PCDHGA6: variants seen among roughly 807,000 people sequenced by gnomAD.
PCDHGA6 encodes protocadherin gamma-A6.
PCDHGA6 carries 41 observed loss-of-function variants against 60.6 expected under a neutral mutation model. That is an observed-to-expected ratio of 0.68 (90% CI 0.53 to 0.88). PCDHGA6 has a LOEUF of 0.88. Ranked by LOEUF, PCDHGA6 falls within the 40% of genes least tolerant of loss-of-function variation. The pLI is 0.00. For missense variants in PCDHGA6, 1,312 were observed against 1,203.0 expected (o/e 1.09, Z -1.34); for synonymous variants, 594 against 524.4 (o/e 1.13, Z -1.81).
At position 141,491,052 on chromosome 5, in the gene PCDHGA6, G is replaced by A. The variant is rs2099707642; in HGVS notation, c.2425-3755G>A. ...ATGCTGATGCAGGCCACAATGCGTG[G>A]CTCTCCTACTCACTGTTGCCACAGT... On this transcript the variant is annotated intron_variant, in intron 1 of 3. Transcript: ENST00000517434. The surrounding 1 kb of genome is among the most constrained non-coding windows in gnomAD (Gnocchi z 6.9). 3.1e-6 allele frequency: 5 copies of A among 1,614,038 alleles called. No individual in the cohort carries two copies. The highest frequency in any genetic ancestry group is 4.2e-6 in the Non-Finnish European group (5 of 1,180,032).
rs187164796 is a variant in PCDHGA6, at chr5:141,398,527, A to C, written c.2424+22020A>C. On this transcript the variant is annotated intron_variant, in intron 1 of 3. Transcript: ENST00000517434. ...CATTAATGACCACACGCCAAAATTC[A>C]CGCAAAATTCCTTTGAGCTGCAAAT... 1.8e-3 allele frequency: 2,980 copies of C among 1,613,696 alleles called. 47 individuals are homozygous for C. The African/African-American group carries it at 0.033, about 18-fold the overall frequency.
At chr5:141,382,819 G>A in intron 1 of PCDHGA6, 2 of 1,297,966 alleles carry the variant, frequency 1.5e-6, no homozygotes, top group Non-Finnish European at 2.1e-6. Context: ...CCCTTCCTAA[G>A]ACAGAGGGGT....
At chr5:141,382,271 A>T (rs1445188092) in intron 1 of PCDHGA6, among the ~76,000 whole-genome samples, 1 of 152,214 alleles carries the variant, frequency 6.6e-6, no homozygotes, top group East Asian at 1.9e-4. Context: ...TCTAGAACAT[A>T]TGTGTTCAAT....
At chr5:141,394,552 G>C (rs368792885) in intron 1 of PCDHGA6, 1 of 1,614,070 alleles carries the variant, frequency 6.2e-7, no homozygotes, top group Non-Finnish European at 8.5e-7. Flanking sequence ...CTGGCGCCCC[G>C]CTCCGCAGAG....
rs992649031 is a variant in PCDHGA6 at position 141,387,128 on chromosome 5, G to C, written c.2424+10621G>C. On this transcript the variant is annotated intron_variant, in intron 1 of 3. Coordinates refer to ENST00000517434, the MANE Select transcript of PCDHGA6 (RefSeq NM_018919.3). ...ATAATATTCCTGTAATGAAATCACTGAAACTATTGGGAAGGGGGTGTATTT... is the reference window on the plus strand; with the variant it reads ...ATAATATTCCTGTAATGAAATCACTCAAACTATTGGGAAGGGGGTGTATTT... Among the ~76,000 whole-genome samples, 7 of 152,316 alleles carry C rather than the reference G, an allele frequency of 4.6e-5. No homozygotes were observed. The South Asian group carries it at 8.3e-4, about 18-fold the overall frequency.
At chr5:141,507,786 G>A (rs536470814) in intron 3 of PCDHGA6, among the ~76,000 whole-genome samples, 3 of 152,292 alleles carry the variant, frequency 2.0e-5, no homozygotes, top group East Asian at 1.9e-4. Context: ...CCTGACCCTC[G>A]TCTAAGCCTG....
rs1177814811 is a variant in PCDHGA6 at position 141,511,841 on chromosome 5, CTGTTT to C, written c.*675_*679del. The C allele has an allele frequency of 3.2e-5, 5 of 156,826 alleles. No homozygotes were observed. Among genetic ancestry groups the C allele is most frequent in the African/African-American group, 4.8e-5 (2 of 41,458 alleles). The allele number at this position is 156,826 out of a possible 1,614,324, so 9.7% of individuals were successfully genotyped here. ...TCCCAACGCCCTGGGGACCAGTCTT[CTGTTT>C]TGTTTTTCATTGTTTGACGTTTCCA... On this transcript the variant is annotated 3_prime_UTR_variant, in exon 4 of 4. Coordinates refer to ENST00000517434, the MANE Select transcript of PCDHGA6 (RefSeq NM_018919.3).
At chr5:141,450,355 C>T (rs943649682) in intron 1 of PCDHGA6, among the ~76,000 whole-genome samples, 2 of 152,090 alleles carry the variant, frequency 1.3e-5, no homozygotes, top group Non-Finnish European at 2.9e-5. Context: ...TGAAACAGTT[C>T]CTCAGCCTTG....
At position 141,511,219 on chromosome 5, in the gene PCDHGA6, G is replaced by A. The variant is rs1467284181; in HGVS notation, c.*46G>A. On this transcript the variant is annotated 3_prime_UTR_variant, in exon 4 of 4. Coordinates refer to ENST00000517434, the MANE Select transcript of PCDHGA6 (RefSeq NM_018919.3). ...CCACAGGGCGGCCTCTCCCCAACCA[G>A]CCCAGCTTCTCCTTACCTGCACCCA... 5 of 1,606,366 alleles carry A rather than the reference G, an allele frequency of 3.1e-6. No individual in the cohort carries two copies. The highest frequency in any genetic ancestry group is 2.7e-5 in the African/African-American group (2 of 74,686).
At chr5:141,414,882 C>T (rs759814512) in intron 1 of PCDHGA6, 7 of 1,614,104 alleles carry the variant, frequency 4.3e-6, no homozygotes, top group East Asian at 4.5e-5. Context: ...TCCTGTACCC[C>T]GCCCTCCCCA....
intron 1 of PCDHGA6, among the ~76,000 whole-genome samples, chr5:141,444,152 ATTTTTTTTTTTTTTTTTT>A (rs747671382): frequency 4.1e-4 from 14 of 33,898 alleles, no homozygotes; most frequent in South Asian, 2.1e-3. Flanking sequence ...TGTGTACTGG[ATTTTTTTTTTTTTTTTTT>A]TTTTTTTTTT....
At chr5:141,390,969 G>A (rs1232299434) in intron 1 of PCDHGA6, 5 of 152,168 alleles carry the variant, frequency 3.3e-5, no homozygotes, top group African/African-American at 4.8e-5. Flanking sequence ...TGTAACATAG[G>A]AGTTTCAGGA....
In PCDHGA6 at chr5:141,376,291, C is replaced by A. The variant is rs780024608; in HGVS notation, c.2208C>A (p.Pro736=). The A allele has an allele frequency of 6.2e-7, 1 of 1,614,158 alleles. No individual in the cohort carries two copies. The highest frequency in any genetic ancestry group is 1.1e-5 in the South Asian group (1 of 91,082). The change falls in exon 1 of 4, where the codon CCC becomes CCA. Residue 736 remains proline (P), a synonymous_variant. Coordinates refer to ENST00000517434, the MANE Select transcript of PCDHGA6 (RefSeq NM_018919.3). ...CGGGAGGTGGCTTAGCGAGCATGCC[C>A]GGCTCGCACTTTGTGGGCGTGGAAG... The part of the protein sequence containing the change: ...QASGGGLASM[P]GSHFVGVEGV...
At chr5:141,474,964 CATT>C (rs1489874965) in intron 1 of PCDHGA6, among the ~76,000 whole-genome samples, 1 of 152,216 alleles carries the variant, frequency 6.6e-6, no homozygotes, top group Non-Finnish European at 1.5e-5. Context: ...CTATCCTAAT[CATT>C]ATAATTTTGT....
At chr5:141,391,258 T>C (rs1419386522) in intron 1 of PCDHGA6, 3 of 152,182 alleles carry the variant, frequency 2.0e-5, no homozygotes, top group African/African-American at 7.2e-5. Context: ...ACTGCTTCAG[T>C]TAATGGCCAC....
chr5:141,420,769 C>T (rs2096524721), intron 1 of PCDHGA6, among the ~76,000 whole-genome samples: 1 of 152,212 alleles, frequency 6.6e-6, no homozygotes, highest in Admixed American at 6.5e-5. Flanking sequence ...AAGTTTTCAG[C>T]TCCAGTAATA....
intron 1 of PCDHGA6, chr5:141,404,696 G>A (rs757662807): frequency 6.2e-7 from 1 of 1,614,104 alleles, no homozygotes; most frequent in Non-Finnish European, 8.5e-7. Context: ...ACCCCGCTCT[G>A]CAGAGCCTGG....
Position 141,423,157 on chromosome 5 carries a change from G to C in PCDHGA6, c.2424+46650G>C, listed in dbSNP as rs527921011. The C allele has an allele frequency of 7.4e-6, 12 of 1,610,820 alleles. No homozygotes were observed. The South Asian group carries it at 1.2e-4, about 16-fold the overall frequency. ...CAGAGACGCGCTCAAGCAGAGCCTC[G>C]TGGTGGCCGTCCAGGACCACGGCCA... On this transcript the variant is annotated intron_variant, in intron 1 of 3. Coordinates refer to ENST00000517434, the MANE Select transcript of PCDHGA6 (RefSeq NM_018919.3).
At chr5:141,433,129 C>T in intron 1 of PCDHGA6, 1 of 1,614,130 alleles carries the variant, frequency 6.2e-7, no homozygotes, top group Non-Finnish European at 8.5e-7. Context: ...AAAGCGAGCC[C>T]CTTTTGCTGT....
Sources: gnomAD v4.1 joint callset for allele counts (sites outside exome capture counted in the v4.1 genomes callset) on GRCh38, gnomAD v4.1.1 for gene constraint, Gnocchi (gnomAD v3.1) non-coding constraint, MANE v1.5 for transcripts, NCBI Gene and HGNC (gene_info 2026-07-23, HGNC 2026-07-21) for gene names.